The following UBR3 variants were observed in gnomAD, a reference collection of about 807,000 sequenced individuals.
UBR3 encodes E3 ubiquitin-protein ligase UBR3.
UBR3 carries 85 observed loss-of-function variants against 243.2 expected under a neutral mutation model. That is an observed-to-expected ratio of 0.35 (90% CI 0.29 to 0.42). The LOEUF (loss-of-function observed/expected upper bound fraction) is 0.42. Ranked by LOEUF, UBR3 falls within the 10% of genes least tolerant of loss-of-function variation. UBR3 has a pLI of 1.00. For missense variants in UBR3, 1,686 were observed against 2,300.8 expected (o/e 0.73, Z 5.47); for synonymous variants, 748 against 799.8 (o/e 0.94, Z 1.09).
intron 30 of UBR3, among the ~76,000 whole-genome samples, chr2:170,021,558 C>T (rs2090392863): frequency 1.3e-5 from 2 of 152,132 alleles, no homozygotes; most frequent in Admixed American, 1.3e-4. Flanking sequence ...GCCCCACCTC[C>T]TTATACTAAC....
intron 32 of UBR3, among the ~76,000 whole-genome samples, chr2:170,041,703 A>G (rs1007483421): frequency 2.0e-5 from 3 of 152,208 alleles, no homozygotes; most frequent in African/African-American, 7.2e-5. Flanking sequence ...AACTATTACA[A>G]GTTACAGTAG....
chr2:169,888,304 A>G (rs150341745), intron 5 of UBR3, among the ~76,000 whole-genome samples: 28,038 of 150,300 alleles, frequency 0.19, 2,878 homozygotes, highest in Admixed American at 0.27. Context: ...ACGCCCAGCT[A>G]ATTTTTGTAT....
intron 28 of UBR3, 87 bp downstream of exon 28, chr2:170,007,277 G>T: frequency 1.5e-6 from 2 of 1,374,294 alleles, no homozygotes; most frequent in Non-Finnish European, 2.0e-6. Context: ...AAATTACTCT[G>T]GACTTTTACA....
Position 169,875,802 on chromosome 2 carries a change from C to T in UBR3, c.697C>T (p.Pro233Ser). 1 of 1,522,614 alleles carries T rather than the reference C, an allele frequency of 6.6e-7. No homozygotes were observed. The highest frequency in any genetic ancestry group is 8.8e-7 in the Non-Finnish European group (1 of 1,137,736). 94.3% of individuals were successfully genotyped at this position (1,522,614 alleles called of 1,614,324 possible). ...TTTTTTTCTTTTAGCAGCTGATGGA[C>T]CATCAGAAAAGGACCTTAACAAAGT... The part of the protein sequence containing the change: ...EGYNEPAADG[P>S]SEKDLNKVLQ... The change falls in exon 3 of 39, where the codon CCA becomes TCA. Residue 233 changes from proline (P) to serine (S), a missense_variant. Transcript: ENST00000272793.
intron 35 of UBR3, 47 bp from the exon 36 acceptor site, chr2:170,073,381 T>C (rs1440769903): frequency 6.2e-7 from 1 of 1,604,934 alleles, no homozygotes; most frequent in Admixed American, 1.7e-5. Flanking sequence ...TAATAGGAAA[T>C]GTTCTTGATG....
chr2:169,828,446 GTGATT>G (rs1240497407), intron 1 of UBR3, among the ~76,000 whole-genome samples: 3 of 152,140 alleles, frequency 2.0e-5, no homozygotes, highest in African/African-American at 7.2e-5. Flanking sequence ...GACTTAGGTT[GTGATT>G]TGGATTGGCT....
At position 170,079,890 on chromosome 2, in the gene UBR3, A is replaced by T; in HGVS notation, c.5276A>T (p.Gln1759Leu). The T allele has an allele frequency of 1.2e-6, 2 of 1,614,068 alleles. No homozygotes were observed. The highest frequency in any genetic ancestry group is 2.2e-5 in the South Asian group (2 of 91,062). Residue 1759 changes from glutamine to leucine, a missense_variant, in exon 37 of 39, where the codon CAG (glutamine) becomes CTG (leucine). Transcript: ENST00000272793. ...QLPENYNTIFQYYHRKTCSVC... is the reference protein window; with the variant it reads ...QLPENYNTIFLYYHRKTCSVC... Reference sequence around the variant, plus strand: ...CCTGAGAATTATAACACCATTTTTCAGTACTACCACAGAAAAACCTGTAGT... The same window carrying T: ...CCTGAGAATTATAACACCATTTTTCTGTACTACCACAGAAAAACCTGTAGT...
In UBR3 at chr2:170,013,308, T is replaced by C. The variant is rs1004331041; in HGVS notation, c.4368-1973T>C. Among the ~76,000 whole-genome samples, 3 of 152,128 alleles carry C rather than the reference T, an allele frequency of 2.0e-5. No homozygotes were observed. The East Asian group carries it at 5.8e-4, about 29-fold the overall frequency. ...TGGTATTTAGAGCCATATTGATTTT[T>C]AAAATCCTAGATATTGCTGGATACA... On this transcript the variant is annotated intron_variant, in intron 29 of 38. Coordinates refer to ENST00000272793, the MANE Select transcript of UBR3 (RefSeq NM_172070.4).
intron 6 of UBR3, 33 bp downstream of exon 6, chr2:169,891,264 A>G: frequency 6.7e-7 from 1 of 1,500,832 alleles, no homozygotes; most frequent in South Asian, 1.2e-5. Context: ...TTTTCCTTGA[A>G]TAAAATGCTT....
chr2:170,022,391 C>T (rs1292928872), intron 30 of UBR3, among the ~76,000 whole-genome samples: 2 of 152,106 alleles, frequency 1.3e-5, no homozygotes, highest in Non-Finnish European at 2.9e-5. Context: ...TCTTCCCTTC[C>T]TCACATGGCA....
In UBR3 at chr2:170,019,816, A is replaced by G. The variant is rs141367140; in HGVS notation, c.4453+4450A>G. On this transcript the variant is annotated intron_variant, in intron 30 of 38. Coordinates refer to ENST00000272793, the MANE Select transcript of UBR3 (RefSeq NM_172070.4). ...TTGAGAGACAGGTTCTCCCTTTGTC[A>G]CTCAGCTGGAGTGCAGTGGCACAAT... 2.4e-3 allele frequency among the ~76,000 whole-genome samples: 361 copies of G among 152,172 alleles called. 2 individuals are homozygous for G. The highest frequency in any genetic ancestry group is 8.4e-3 in the African/African-American group (350 of 41,540).
At chr2:169,990,353 T>C (rs1216533558) in intron 25 of UBR3, among the ~76,000 whole-genome samples, 1 of 152,064 alleles carries the variant, frequency 6.6e-6, no homozygotes, top group Non-Finnish European at 1.5e-5. Context: ...CAGTTCTCCA[T>C]AGGAGAATAA....
chr2:169,850,110 G>C (rs1393205081), intron 1 of UBR3, among the ~76,000 whole-genome samples: 1 of 150,956 alleles, frequency 6.6e-6, no homozygotes, highest in Non-Finnish European at 1.5e-5. Context: ...CACACTTTGG[G>C]TTGTAAGTCA....
In UBR3 at chr2:169,827,600, C is replaced by T. The variant is rs751639990; in HGVS notation, c.93C>T (p.Thr31=). ...GGCTGGCCCTAGACAAGGCGGCCAC[C>T]GCCGCGCACCTCAAGGCGGCCCTCA... The part of the protein sequence containing the change: ...APGLALDKAA[T]AAHLKAALSR... Residue 31 remains threonine (T), a synonymous_variant, in exon 1 of 39, where the codon ACC becomes ACT. Coordinates refer to ENST00000272793, the MANE Select transcript of UBR3 (RefSeq NM_172070.4). The T allele has an allele frequency of 7.9e-7, 1 of 1,258,150 alleles. No individual in the cohort carries two copies. Among genetic ancestry groups the T allele is most frequent in the Non-Finnish European group, 1.0e-6 (1 of 1,002,798 alleles). The allele number at this position is 1,258,150 out of a possible 1,614,324, so 77.9% of individuals were successfully genotyped here. A position where few individuals can be genotyped will look rare whatever the true frequency, so the allele number is the denominator to read the frequency against.
At chr2:169,973,955 A>G (rs1031154869) in intron 24 of UBR3, among the ~76,000 whole-genome samples, 2 of 152,190 alleles carry the variant, frequency 1.3e-5, no homozygotes, top group Non-Finnish European at 1.5e-5. Flanking sequence ...AGATGATTGT[A>G]TAATTTTTGT....
chr2:170,014,354 C>CTTTTTTTTTTTTTTTTTTTT (rs5836255), intron 29 of UBR3: 1 of 133,854 alleles, frequency 7.5e-6, no homozygotes. Context: ...GTTTTTTTTT[C>CTTTTTTTTTTTTTTTTTTTT]TTTTTTTTTT....
intron 33 of UBR3, among the ~76,000 whole-genome samples, chr2:170,058,145 T>C (rs903224290): frequency 2.0e-5 from 3 of 152,194 alleles, no homozygotes; most frequent in Non-Finnish European, 4.4e-5. Context: ...TGATTACTCT[T>C]ATTTTTTCAC....
At chr2:170,044,215 G>A (rs569925742) in intron 32 of UBR3, among the ~76,000 whole-genome samples, 29 of 152,238 alleles carry the variant, frequency 1.9e-4, no homozygotes, top group Non-Finnish European at 3.4e-4. Flanking sequence ...ATGTATTTGT[G>A]TAACTGTTTA....
At chr2:169,956,550 A>G (rs1225663281) in intron 23 of UBR3, among the ~76,000 whole-genome samples, 1 of 152,096 alleles carries the variant, frequency 6.6e-6, no homozygotes, top group Non-Finnish European at 1.5e-5. Context: ...TGGCTCAAAA[A>G]CAGTATAAAA....
Sources: allele counts gnomAD v4.1 joint callset (sites outside exome capture counted in the v4.1 genomes callset), GRCh38; gene constraint gnomAD v4.1.1; transcripts MANE v1.5; gene names NCBI Gene and HGNC (gene_info 2026-07-23, HGNC 2026-07-21).